PTK7: variants seen among roughly 807,000 people sequenced by gnomAD.
The protein encoded by PTK7 is inactive tyrosine-protein kinase 7.
In PTK7, 39 loss-of-function variants were observed where a neutral mutation model predicts 116.6. That is an observed-to-expected ratio of 0.33 (90% CI 0.26 to 0.44). The LOEUF is 0.44. Ranked by LOEUF, PTK7 falls within the 20% of genes least tolerant of loss-of-function variation. The pLI is 1.00. For synonymous variants in PTK7, 546 were observed against 563.6 expected (o/e 0.97, Z 0.44); for missense variants, 1,169 against 1,425.6 (o/e 0.82, Z 2.90).
intron 1 of PTK7, among the ~76,000 whole-genome samples, chr6:43,100,808 A>G (rs1164117296): frequency 6.6e-6 from 1 of 152,210 alleles, no homozygotes; most frequent in Admixed American, 6.5e-5. Flanking sequence ...GTGTAGTTCA[A>G]GTGTCTTGCC....
intron 1 of PTK7, among the ~76,000 whole-genome samples, chr6:43,115,820 C>T (rs1482041801): frequency 6.7e-6 from 1 of 149,786 alleles, no homozygotes; most frequent in African/African-American, 2.5e-5. Context: ...GTCAGCTACT[C>T]GGGAGGCTGA....
At chr6:43,115,702 G>A (rs768417978) in intron 1 of PTK7, among the ~76,000 whole-genome samples, 2 of 151,932 alleles carry the variant, frequency 1.3e-5, no homozygotes, top group Admixed American at 6.6e-5. Context: ...TTGGGAGGCC[G>A]AGATGGGCAG....
At chr6:43,108,756 T>A (rs1385799839) in intron 1 of PTK7, among the ~76,000 whole-genome samples, 1 of 152,234 alleles carries the variant, frequency 6.6e-6, no homozygotes, top group Admixed American at 6.5e-5. Context: ...AGTTCAGATT[T>A]GATTTTGTTT....
chr6:43,150,799 TTTTTTTTTTTTTTTTTTC>T (rs1771021271), intron 17 of PTK7, among the ~76,000 whole-genome samples: 1 of 98,742 alleles, frequency 1.0e-5, no homozygotes, highest in African/African-American at 5.4e-5. Flanking sequence ...TTTTTTTTTT[TTTTTTTTTTTTTTTTTTC>T]CCGAGACAGA....
intron 1 of PTK7, among the ~76,000 whole-genome samples, chr6:43,112,410 T>C (rs1445664522): frequency 3.3e-5 from 5 of 151,684 alleles, no homozygotes; most frequent in Non-Finnish European, 7.4e-5. Flanking sequence ...CTGGGACTAC[T>C]TGGGAGTGTC....
chr6:43,103,042 TGA>T (rs1164801630), intron 1 of PTK7, among the ~76,000 whole-genome samples: 1 of 152,124 alleles, frequency 6.6e-6, no homozygotes, highest in Non-Finnish European at 1.5e-5. Context: ...CTACAATCAG[TGA>T]GAGAACTGAG....
At position 43,145,018 on chromosome 6, in the gene PTK7, C is replaced by A. The variant is rs191894052; in HGVS notation, c.2408-182C>A. 1.5e-3 allele frequency: 740 copies of A among 504,602 alleles called. 2 individuals carry two copies. The highest frequency in any genetic ancestry group is 0.012 in the African/African-American group (618 of 52,858). 31.3% of individuals were successfully genotyped at this position (504,602 alleles called of 1,614,324 possible). On this transcript the variant is annotated intron_variant, in intron 15 of 19. Coordinates refer to ENST00000230419, the MANE Select transcript of PTK7 (RefSeq NM_002821.5). This position sits in a 1 kb window ranked among gnomAD's most constrained non-coding sequence, Gnocchi z 4.8. ...GGAAAATGCTGAATATTAGTCCCAC[C>A]CTTTTATTTTGTTGCTGCAGACACT...
chr6:43,147,528 C>T (rs1378344953), intron 17 of PTK7, among the ~76,000 whole-genome samples: 2 of 152,190 alleles, frequency 1.3e-5, no homozygotes, highest in Non-Finnish European at 2.9e-5. Context: ...TAAACCAAAT[C>T]AGAGCTCAGG....
chr6:43,080,941 CAA>C (rs746710721), intron 1 of PTK7, among the ~76,000 whole-genome samples: 1 of 130,366 alleles, frequency 7.7e-6, no homozygotes, highest in Non-Finnish European at 1.6e-5. Context: ...GACTCCGTCT[CAA>C]AAAAAAAAAA....
chr6:43,103,473 G>A (rs529318852), intron 1 of PTK7, among the ~76,000 whole-genome samples: 1 of 152,148 alleles, frequency 6.6e-6, no homozygotes, highest in Non-Finnish European at 1.5e-5. Flanking sequence ...GTGTGTGTGT[G>A]TGTGTAGCCA....
At chr6:43,151,641 C>G (rs1394167882) in intron 17 of PTK7, among the ~76,000 whole-genome samples, 6 of 150,022 alleles carry the variant, frequency 4.0e-5, no homozygotes, top group East Asian at 4.0e-4. Context: ...ACGCCATTAT[C>G]CTGCCTCAGC....
chr6:43,116,933 C>G (rs1477441244), intron 1 of PTK7, among the ~76,000 whole-genome samples: 1 of 152,140 alleles, frequency 6.6e-6, no homozygotes, highest in African/African-American at 2.4e-5. Flanking sequence ...AAGCGATTCT[C>G]GTGCTTCAGC....
rs1359513600 is a variant in PTK7, at chr6:43,125,000, C to CA, written c.80-3976dup. Reference sequence around the variant, plus strand: ...CCAGCCTGACCAACATGGAGAAACTCAGTCTCTACTAAAAATACAAAATTA... The same window carrying CA: ...CCAGCCTGACCAACATGGAGAAACTCAAGTCTCTACTAAAAATACAAAATTA... On this transcript the variant is annotated intron_variant, in intron 1 of 19. Transcript: ENST00000230419. Among the ~76,000 whole-genome samples the CA allele has an allele frequency of 2.3e-4, 35 of 152,154 alleles. 1 individual carries two copies. The highest frequency in any genetic ancestry group is 2.3e-3 in the Admixed American group (35 of 15,270).
In PTK7 at chr6:43,143,154, A is replaced by G. The variant is rs2150452386; in HGVS notation, c.2048-263A>G. On this transcript the variant is annotated intron_variant, in intron 13 of 19. Transcript: ENST00000230419. This position sits in a 1 kb window ranked among gnomAD's most constrained non-coding sequence, Gnocchi z 4.2. ...AACGTGGGTTTGTGGTAGCTCCTTG[A>G]CAGGTGTGCTTATCCGTGTCGCCTG... The G allele has an allele frequency of 2.3e-6, 1 of 440,076 alleles. No homozygotes were observed. The highest frequency in any genetic ancestry group is 3.4e-5 in the South Asian group (1 of 29,254). The allele number at this position is 440,076 out of a possible 1,614,324, so 27.3% of individuals were successfully genotyped here.
chr6:43,159,435 G>A (rs1008446119), intron 18 of PTK7, among the ~76,000 whole-genome samples: 1 of 152,186 alleles, frequency 6.6e-6, no homozygotes, highest in Non-Finnish European at 1.5e-5. Flanking sequence ...GACTATAGCT[G>A]TAGTGAGGAT....
intron 1 of PTK7, among the ~76,000 whole-genome samples, chr6:43,112,245 TA>T (rs1420262720): frequency 4.9e-5 from 4 of 82,348 alleles, no homozygotes; most frequent in East Asian, 1.0e-3. Flanking sequence ...TAGCCAGTTT[TA>T]TTTATTTATT....
chr6:43,151,835 C>A (rs1253106471), intron 17 of PTK7, among the ~76,000 whole-genome samples: 3 of 77,722 alleles, frequency 3.9e-5, no homozygotes, highest in East Asian at 4.3e-4. Flanking sequence ...CCGCGCCCAG[C>A]CCCCCCGCCC....
intron 17 of PTK7, among the ~76,000 whole-genome samples, chr6:43,157,364 A>ATATATATATATATAT (rs70990168): frequency 1.8e-5 from 1 of 54,362 alleles, no homozygotes; most frequent in Non-Finnish European, 3.3e-5. Flanking sequence ...ATATATATAT[A>ATATATATATATATAT]TTTTTTTTTT....
intron 1 of PTK7, among the ~76,000 whole-genome samples, chr6:43,114,507 C>A (rs886621258): frequency 6.6e-6 from 1 of 151,944 alleles, no homozygotes; most frequent in African/African-American, 2.4e-5. Flanking sequence ...GTAAGAGGTA[C>A]CCCCTGGAAT....
Sources: gnomAD v4.1 joint callset for allele counts (sites outside exome capture counted in the v4.1 genomes callset) on GRCh38, gnomAD v4.1.1 for gene constraint, Gnocchi (gnomAD v3.1) non-coding constraint, MANE v1.5 for transcripts, NCBI Gene and HGNC (gene_info 2026-07-23, HGNC 2026-07-21) for gene names.